Variants in ZNF599 observed in about 807,000 individuals in gnomAD.
ZNF599 encodes the protein zinc finger protein 599.
A neutral mutation model predicts 11.7 loss-of-function variants in ZNF599; 10 were observed. That is an observed-to-expected ratio of 0.86 (90% confidence interval 0.53 to 1.45). ZNF599 has a LOEUF of 1.45. Among genes scored for constraint, ZNF599 ranks in the 40% most tolerant of loss-of-function variants. The pLI is 0.00. For synonymous variants in ZNF599, 232 were observed against 253.2 expected, an observed-to-expected ratio of 0.92 and a Z score of 0.79; for missense variants, 688 against 713.6, an observed-to-expected ratio of 0.96 and a Z score of 0.41.
At chr19:34,795,471 A>T in the ZNF599 span, among the ~76,000 whole-genome samples, 1 of 152,092 alleles carries the variant, frequency 6.6e-6, no homozygotes, top group Non-Finnish European at 1.5e-5. Flanking sequence ...ATAGAGACAC[A>T]GTCTCACTGT....
chr19:34,786,377 A>G, the ZNF599 span, among the ~76,000 whole-genome samples: 5 of 152,008 alleles, frequency 3.3e-5, no homozygotes, highest in Admixed American at 2.0e-4. Flanking sequence ...ACCCTAGAAC[A>G]CCCCGCTGCA....
intron 3 of ZNF599, chr19:34,763,415 C>T (rs1600156232): frequency 6.6e-6 from 1 of 152,202 alleles, no homozygotes; most frequent in Non-Finnish European, 1.5e-5. Flanking sequence ...AATCCCAGCA[C>T]TTTGGAAGGC....
chr19:34,777,808 A>T (rs1012394564), upstream of ZNF599, among the ~76,000 whole-genome samples: 1 of 151,692 alleles, frequency 6.6e-6, no homozygotes, highest in African/African-American at 2.4e-5. Flanking sequence ...AATGGTGGGC[A>T]CCAGGTCTGG....
At chr19:34,801,845 A>C in the ZNF599 span, among the ~76,000 whole-genome samples, 1 of 152,196 alleles carries the variant, frequency 6.6e-6, no homozygotes, top group Non-Finnish European at 1.5e-5. Flanking sequence ...TCCTATCTAC[A>C]TCCCTTCTGA....
At chr19:34,805,954 T>A in the ZNF599 span, among the ~76,000 whole-genome samples, 1 of 152,184 alleles carries the variant, frequency 6.6e-6, no homozygotes, top group Non-Finnish European at 1.5e-5. Flanking sequence ...GGAACTATTA[T>A]ATATACTACC....
At chr19:34,783,205 C>A in the ZNF599 span, among the ~76,000 whole-genome samples, 4 of 152,198 alleles carry the variant, frequency 2.6e-5, no homozygotes, top group Non-Finnish European at 5.9e-5. Flanking sequence ...TCTTAACTTA[C>A]AGTTCCCAAG....
At chr19:34,795,289 T>C in the ZNF599 span, among the ~76,000 whole-genome samples, 1 of 152,164 alleles carries the variant, frequency 6.6e-6, no homozygotes, top group African/African-American at 2.4e-5. Flanking sequence ...TTATTTTTCT[T>C]TTTTGAGACA....
chr19:34,781,178 A>AAGAAAAGGAAGGAAGGAGAGAG, the ZNF599 span, among the ~76,000 whole-genome samples: 1 of 151,838 alleles, frequency 6.6e-6, no homozygotes, highest in African/African-American at 2.4e-5. Flanking sequence ...AAATAAAAAA[A>AAGAAAAGGAAGGAAGGAGAGAG]AGAAAAGGAA....
the ZNF599 span, among the ~76,000 whole-genome samples, chr19:34,781,419 C>A: frequency 6.6e-6 from 1 of 152,124 alleles, no homozygotes. Flanking sequence ...GCTTACCTTC[C>A]AATCTATGCC....
the ZNF599 span, among the ~76,000 whole-genome samples, chr19:34,791,641 C>T: frequency 5.9e-5 from 9 of 152,136 alleles, no homozygotes; most frequent in African/African-American, 2.2e-4. Context: ...CCTAATACAA[C>T]CTACTTCTCC....
the ZNF599 span, among the ~76,000 whole-genome samples, chr19:34,797,120 A>G: frequency 6.6e-6 from 1 of 152,136 alleles, no homozygotes; most frequent in Admixed American, 6.5e-5. Context: ...AGCTTCATCC[A>G]TGTCCCTACA....
At chr19:34,805,197 CTTT>C in the ZNF599 span, among the ~76,000 whole-genome samples, 2 of 125,900 alleles carry the variant, frequency 1.6e-5, no homozygotes, top group Non-Finnish European at 3.3e-5. Context: ...TAAGTGCTAC[CTTT>C]TTTTTTTTTT....
chr19:34,772,282 C>T, intron 1 of ZNF599: 1 of 979,340 alleles, frequency 1.0e-6, no homozygotes, highest in African/African-American at 1.7e-5. Context: ...AAAGATAAAT[C>T]CAATGAGCTT....
chr19:34,760,028 A>G lies in ZNF599; in HGVS notation c.773T>C (p.Ile258Thr). 1.2e-6 allele frequency: 2 copies of G among 1,613,952 alleles called. No homozygotes were observed. The highest frequency in any genetic ancestry group is 8.5e-7 in the Non-Finnish European group (1 of 1,179,976). ...LHTGEKPYKC[I>T]ECGKAFKRRF... Reference sequence around the variant, plus strand: ...GCGTTTGAAGGCTTTCCCACACTCAATACACTTGTATGGTTTTTCCCCAGT... The same window carrying G: ...GCGTTTGAAGGCTTTCCCACACTCAGTACACTTGTATGGTTTTTCCCCAGT... Residue 258 changes from isoleucine to threonine, a missense_variant, in exon 4 of 4, where the codon ATT becomes ACT. Physicochemically the swap from Ile to Thr is moderately conservative, Grantham distance 89. Coordinates refer to ENST00000329285, the MANE Select transcript of ZNF599 (RefSeq NM_001007248.3).
chr19:34,792,187 C>T, the ZNF599 span, among the ~76,000 whole-genome samples: 3 of 152,176 alleles, frequency 2.0e-5, no homozygotes, highest in African/African-American at 2.4e-5. Flanking sequence ...CAAGCCCTTC[C>T]CCCTTTAAAT....
the ZNF599 span, among the ~76,000 whole-genome samples, chr19:34,779,062 C>T: frequency 6.6e-6 from 1 of 152,064 alleles, no homozygotes; most frequent in Admixed American, 6.6e-5. Flanking sequence ...AACTCACCAA[C>T]ACTGCTGGTG....
chr19:34,758,932 G>C lies in ZNF599; in HGVS notation c.*102C>G, dbSNP rs1247951580. ...TATCAGATACTAAGACATCTCTCTGGCCAAAATATTTCCCTCAATAGTTAT... is the reference window on the plus strand; with the variant it reads ...TATCAGATACTAAGACATCTCTCTGCCCAAAATATTTCCCTCAATAGTTAT... On this transcript the variant is annotated 3_prime_UTR_variant, in exon 4 of 4. Transcript: ENST00000329285. 2.4e-6 allele frequency: 3 copies of C among 1,264,846 alleles called. No homozygotes were observed. Among genetic ancestry groups the C allele is most frequent in the Non-Finnish European group, 3.3e-6 (3 of 910,528 alleles). 78.4% of individuals were successfully genotyped at this position (1,264,846 alleles called of 1,614,324 possible).
chr19:34,764,751 C>A (rs1187864340), intron 3 of ZNF599: 1 of 152,152 alleles, frequency 6.6e-6, no homozygotes, highest in Non-Finnish European at 1.5e-5. Flanking sequence ...GGGATACTGA[C>A]AAAGAATGAG....
chr19:34,772,779 G>A (rs891540856), intron 1 of ZNF599, 45 bp downstream of exon 1: 3 of 1,535,266 alleles, frequency 2.0e-6, no homozygotes, highest in Non-Finnish European at 1.7e-6. Flanking sequence ...GGGTGCATGC[G>A]GGCGGTGACC....
Sources: allele counts gnomAD v4.1 joint callset (sites outside exome capture counted in the v4.1 genomes callset), GRCh38; gene constraint gnomAD v4.1.1; transcripts MANE v1.5; gene names NCBI Gene and HGNC (gene_info 2026-07-23, HGNC 2026-07-21).